The following SNTA1 variants were observed in gnomAD, a reference collection of about 807,000 sequenced individuals.
The protein encoded by SNTA1 is alpha-1-syntrophin.
Under a neutral mutation model 47.1 loss-of-function variants are expected in SNTA1, and 31 were observed. That is an observed-to-expected ratio of 0.66 (90% CI 0.49 to 0.89). The LOEUF is 0.89. Ranked by LOEUF, SNTA1 falls within the 40% of genes least tolerant of loss-of-function variation. The pLI, the probability that SNTA1 is intolerant of heterozygous loss-of-function variation, is 0.00. For synonymous variants in SNTA1, 300 were observed against 313.6 expected, an observed-to-expected ratio of 0.96 and a Z score of 0.46; for missense variants, 575 against 693.0, an observed-to-expected ratio of 0.83 and a Z score of 1.91.
At chr20:33,439,672 C>T (rs900875725) in intron 1 of SNTA1, among the ~76,000 whole-genome samples, 4 of 152,172 alleles carry the variant, frequency 2.6e-5, no homozygotes, top group African/African-American at 9.7e-5. Flanking sequence ...TATATGCCTA[C>T]TATGTACGCA....
At chr20:33,420,098 A>G (rs1261374185) in intron 2 of SNTA1, among the ~76,000 whole-genome samples, 4 of 151,930 alleles carry the variant, frequency 2.6e-5, no homozygotes, top group Non-Finnish European at 5.9e-5. Flanking sequence ...TAATTTTTGT[A>G]TTTTTAGTAG....
rs751981336 is a variant in SNTA1 at position 33,408,554 on chromosome 20, G to A, written c.1471C>T (p.His491Tyr). The A allele has an allele frequency of 7.4e-6, 12 of 1,614,166 alleles. No homozygotes were observed. Among genetic ancestry groups the A allele is most frequent in the Non-Finnish European group, 1.0e-5 (12 of 1,180,002 alleles). The change falls in exon 8 of 8, where the codon CAC (histidine) becomes TAC (tyrosine). Residue 491 changes from histidine to tyrosine, a missense_variant. His to Tyr is a moderately conservative substitution (Grantham distance 83). Coordinates refer to ENST00000217381, the MANE Select transcript of SNTA1 (RefSeq NM_003098.3). ...SCPKTIVFII[H>Y]SFLSAKVTRL... ...GTGACTTTGGCCGACAGGAAGGAGTGGATGATGAAGACTATGGTTTTGGGA... is the reference window on the plus strand; with the variant it reads ...GTGACTTTGGCCGACAGGAAGGAGTAGATGATGAAGACTATGGTTTTGGGA...
At chr20:33,423,724 A>G (rs1241940653) in intron 2 of SNTA1, among the ~76,000 whole-genome samples, 8 of 152,192 alleles carry the variant, frequency 5.3e-5, no homozygotes, top group Non-Finnish European at 1.0e-4. Flanking sequence ...GGGGTCACAT[A>G]TGCGTTGCTG....
At chr20:33,430,494 T>G (rs1182024403) in intron 2 of SNTA1, among the ~76,000 whole-genome samples, 1 of 151,196 alleles carries the variant, frequency 6.6e-6, no homozygotes, top group African/African-American at 2.4e-5. Flanking sequence ...CAGGCTAGTC[T>G]TGAACTCCTG....
In SNTA1 at chr20:33,412,761, TGCCGA is replaced by T. The variant is rs1316187366; in HGVS notation, c.718_722del (p.Ser240ArgfsTer13). The T allele has an allele frequency of 6.2e-7, 1 of 1,612,006 alleles. No individual in the cohort carries two copies. Among genetic ancestry groups the T allele is most frequent in the Non-Finnish European group, 8.5e-7 (1 of 1,179,486 alleles). On this transcript the variant is annotated frameshift_variant, in exon 4 of 8. Transcript: ENST00000217381. LOFTEE classifies it high-confidence loss of function. ...TCAGGAAGAGGGTGTCTTGACCATC[TGCCGA>T]GCAGATCTCCAGATACCTGCAGGCA...
rs965759608 is a variant in SNTA1, at chr20:33,443,636, C to T, written c.-16G>A. On this transcript the variant is annotated 5_prime_UTR_variant, in exon 1 of 8. Coordinates refer to ENST00000217381, the MANE Select transcript of SNTA1 (RefSeq NM_003098.3). ...CGGACGCCATCTTCGCCTCCGAGCC[C>T]CCGGGCCGCCGCGCTCGCCCTGTCC... 1.7e-5 allele frequency: 20 copies of T among 1,202,574 alleles called. No homozygotes were observed. In the African/African-American group the frequency reaches 2.6e-4, roughly 15 times the overall value. 74.5% of individuals were successfully genotyped at this position (1,202,574 alleles called of 1,614,324 possible).
intron 3 of SNTA1, among the ~76,000 whole-genome samples, chr20:33,414,493 C>A (rs972195383): frequency 1.3e-5 from 2 of 151,892 alleles, no homozygotes; most frequent in Non-Finnish European, 2.9e-5. Flanking sequence ...ACTTGGGAGG[C>A]TGAGGCACCA....
At position 33,408,442 on chromosome 20, in the gene SNTA1, G is replaced by A. The variant is rs561124744; in HGVS notation, c.*65C>T. The A allele has an allele frequency of 1.5e-5, 18 of 1,164,094 alleles. No homozygotes were observed. Among genetic ancestry groups the A allele is most frequent in the East Asian group, 4.8e-5 (2 of 42,066 alleles). The allele number at this position is 1,164,094 out of a possible 1,614,324, so 72.1% of individuals were successfully genotyped here. A position where few individuals can be genotyped will look rare whatever the true frequency, so the allele number is the denominator to read the frequency against. Reference sequence around the variant, plus strand: ...TCAGCCCAGGGGTGAGCAGGCAGTCGGTGGAGGCCCAGCTCAGGCCATGTC... The same window carrying A: ...TCAGCCCAGGGGTGAGCAGGCAGTCAGTGGAGGCCCAGCTCAGGCCATGTC... On this transcript the variant is annotated 3_prime_UTR_variant, in exon 8 of 8. Transcript: ENST00000217381.
rs372460323 is a variant in SNTA1 at position 33,435,394 on chromosome 20, C to T, written c.496+3447G>A. On this transcript the variant is annotated intron_variant, in intron 2 of 7. Transcript: ENST00000217381. ...AGGCAGATCACTGAGGCCGGGAGTT[C>T]GAGACCAGCCTGGCCAACATGGCAA... Among the ~76,000 whole-genome samples the T allele has an allele frequency of 5.3e-5, 8 of 150,160 alleles. No homozygotes were observed. The South Asian group carries it at 8.4e-4, about 16-fold the overall frequency.
rs1374381593 is a variant in SNTA1 at position 33,443,408 on chromosome 20, G to C, written c.213C>G (p.Gly71=). Residue 71 remains glycine, a synonymous_variant, in exon 1 of 8, where the codon GGC becomes GGG. Coordinates refer to ENST00000217381, the MANE Select transcript of SNTA1 (RefSeq NM_003098.3). ...PAQLNGAAEP[G]AGPPQLPEAL... ...CCTCTGGCAGCTGCGGGGGCCCGGC[G>C]CCCGGCTCCGCGGCGCCGTTGAGCT... The C allele has an allele frequency of 6.7e-6, 9 of 1,344,118 alleles. No individual in the cohort carries two copies. Among genetic ancestry groups the C allele is most frequent in the Non-Finnish European group, 6.6e-6 (7 of 1,055,874 alleles). 83.3% of individuals were successfully genotyped at this position (1,344,118 alleles called of 1,614,324 possible). A position where few individuals can be genotyped will look rare whatever the true frequency, so the allele number is the denominator to read the frequency against.
At chr20:33,436,779 G>A (rs1990449316) in intron 2 of SNTA1, among the ~76,000 whole-genome samples, 1 of 151,528 alleles carries the variant, frequency 6.6e-6, no homozygotes, top group Non-Finnish European at 1.5e-5. Context: ...TGGCCAATAT[G>A]GTGAAACCCT....
chr20:33,420,169 C>T (rs892780144), intron 2 of SNTA1, among the ~76,000 whole-genome samples: 2 of 152,204 alleles, frequency 1.3e-5, no homozygotes, highest in East Asian at 1.9e-4. Flanking sequence ...GGTGCTCCGC[C>T]GGCCTCAGCC....
intron 3 of SNTA1, among the ~76,000 whole-genome samples, chr20:33,416,797 C>T (rs1989886408): frequency 6.6e-6 from 1 of 151,856 alleles, no homozygotes; most frequent in African/African-American, 2.4e-5. Context: ...AATAATTAGC[C>T]AGGCATGGTG....
intron 2 of SNTA1, among the ~76,000 whole-genome samples, chr20:33,420,280 T>C (rs1196373960): frequency 6.6e-6 from 1 of 152,104 alleles, no homozygotes; most frequent in Non-Finnish European, 1.5e-5. Context: ...AGCAGAAAGA[T>C]GGAGAGACCT....
At chr20:33,441,164 G>A (rs188471515) in intron 1 of SNTA1, among the ~76,000 whole-genome samples, 8 of 152,270 alleles carry the variant, frequency 5.3e-5, no homozygotes, top group Admixed American at 5.2e-4. Context: ...GATTCATTGC[G>A]TCTTTACAAT....
intron 1 of SNTA1, among the ~76,000 whole-genome samples, chr20:33,442,267 G>A (rs1017954404): frequency 6.6e-6 from 1 of 152,122 alleles, no homozygotes; most frequent in East Asian, 1.9e-4. Context: ...AAACGGTCTG[G>A]AGGCACTAGT....
chr20:33,408,633 T>G, intron 7 of SNTA1, 34 bp from the exon 8 acceptor site: 1 of 1,606,448 alleles, frequency 6.2e-7, no homozygotes, highest in Non-Finnish European at 8.5e-7. Context: ...GTCAGGGCCC[T>G]GGCCAGCCTG....
chr20:33,432,495 G>A (rs1366751761), intron 2 of SNTA1, among the ~76,000 whole-genome samples: 1 of 152,224 alleles, frequency 6.6e-6, no homozygotes, highest in African/African-American at 2.4e-5. Flanking sequence ...AAGATCTAAT[G>A]TATGTTGGGC....
At position 33,437,668 on chromosome 20, in the gene SNTA1, G is replaced by A. The variant is rs376810436; in HGVS notation, c.496+1173C>T. 3.9e-4 allele frequency among the ~76,000 whole-genome samples: 59 copies of A among 152,240 alleles called. 2 individuals carry two copies. The East Asian group carries it at 0.01, about 26-fold the overall frequency. On this transcript the variant is annotated intron_variant, in intron 2 of 7. Transcript: ENST00000217381. Reference sequence around the variant, plus strand: ...ACTCAACTCAGCAGCTTCTCTGGCCGTGTTATTCTCCATCAGCCCCCGCCA... The same window carrying A: ...ACTCAACTCAGCAGCTTCTCTGGCCATGTTATTCTCCATCAGCCCCCGCCA...
Sources: gnomAD v4.1 joint callset for allele counts (sites outside exome capture counted in the v4.1 genomes callset) on GRCh38, gnomAD v4.1.1 for gene constraint, MANE v1.5 for transcripts, NCBI Gene and HGNC (gene_info 2026-07-23, HGNC 2026-07-21) for gene names.